Variants in CCDC150 observed in about 807,000 individuals in gnomAD.
The protein encoded by CCDC150 is coiled-coil domain containing 150.
Under a neutral mutation model 156.5 loss-of-function variants are expected in CCDC150, and 151 were observed. The ratio of observed to expected loss-of-function variants is 0.97; its 90% CI spans 0.85 to 1.10. The LOEUF is 1.10. Ranked by LOEUF, CCDC150 falls within the 50% of genes least tolerant of loss-of-function variation. The pLI, the probability that CCDC150 is intolerant of heterozygous loss-of-function variation, is 0.00. For missense variants in CCDC150, 1,312 were observed against 1,268.1 expected (o/e 1.03, Z -0.53); for synonymous variants, 452 against 429.4 (o/e 1.05, Z -0.65).
chr2:196,692,564 G>A (rs1695556811), intron 13 of CCDC150, among the ~76,000 whole-genome samples: 1 of 152,100 alleles, frequency 6.6e-6, no homozygotes, highest in Non-Finnish European at 1.5e-5. Flanking sequence ...ATTGAATTTT[G>A]CCTTAATTTC....
intron 15 of CCDC150, among the ~76,000 whole-genome samples, chr2:196,706,628 A>G (rs1010202236): frequency 1.2e-4 from 18 of 152,212 alleles, no homozygotes; most frequent in African/African-American, 3.6e-4. Context: ...TTGCCCATTC[A>G]GTATGATATT....
chr2:196,658,929 A>T, intron 5 of CCDC150, 69 bp downstream of exon 5: 1 of 1,077,132 alleles, frequency 9.3e-7, no homozygotes, highest in Non-Finnish European at 1.4e-6. Context: ...AAGCAGAGAG[A>T]ATGAAAAGAA....
intron 9 of CCDC150, among the ~76,000 whole-genome samples, chr2:196,673,232 T>C (rs1575804157): frequency 6.6e-6 from 1 of 152,128 alleles, no homozygotes; most frequent in Non-Finnish European, 1.5e-5. Flanking sequence ...ATCCTCACAA[T>C]AGCCCTATGA....
chr2:196,712,194 G>A lies in CCDC150; in HGVS notation c.1745G>A (p.Ser582Asn), dbSNP rs367659497. ...CAAGTACAGTCTTTTACTGACACCA[G>A]CTTACAGAATGATCATCTACGCAAG... ...EEQVQSFTDT[S>N]LQNDHLRKMN... Residue 582 changes from serine (S) to asparagine (N), a missense_variant, in exon 16 of 28, where the codon AGC becomes AAC. Coordinates refer to ENST00000389175, the MANE Select transcript of CCDC150 (RefSeq NM_001080539.2). 6.3e-7 allele frequency: 1 copy of A among 1,589,254 alleles called. No individual in the cohort carries two copies. The highest frequency in any genetic ancestry group is 8.6e-7 in the Non-Finnish European group (1 of 1,165,646).
At chr2:196,640,680 C>A (rs1692164699) in intron 1 of CCDC150, among the ~76,000 whole-genome samples, 1 of 152,090 alleles carries the variant, frequency 6.6e-6, no homozygotes, top group African/African-American at 2.4e-5. Context: ...TGGCTTCTTC[C>A]TTTCCCTCAT....
At chr2:196,726,265 G>T in intron 22 of CCDC150, 166 bp downstream of exon 22, 1 of 675,106 alleles carries the variant, frequency 1.5e-6, no homozygotes, top group Non-Finnish European at 2.3e-6. Context: ...CAAGAAAAAA[G>T]TTTCTGACAT....
At chr2:196,703,663 A>G (rs1048143534) in intron 15 of CCDC150, among the ~76,000 whole-genome samples, 1 of 152,206 alleles carries the variant, frequency 6.6e-6, no homozygotes, top group Non-Finnish European at 1.5e-5. Context: ...TTTTCCAAGA[A>G]AAATGAAATA....
At chr2:196,706,068 G>C (rs1416501209) in intron 15 of CCDC150, among the ~76,000 whole-genome samples, 1 of 152,194 alleles carries the variant, frequency 6.6e-6, no homozygotes, top group African/African-American at 2.4e-5. Flanking sequence ...CTTTAAAGTA[G>C]TGAAGAAAGT....
intron 10 of CCDC150, among the ~76,000 whole-genome samples, chr2:196,674,945 T>A (rs552568332): frequency 6.6e-5 from 10 of 152,334 alleles, no homozygotes; most frequent in African/African-American, 2.4e-4. Flanking sequence ...GCAGCCATTA[T>A]GTAAAAGGAT....
At chr2:196,670,295 A>G (rs891588350) in intron 8 of CCDC150, among the ~76,000 whole-genome samples, 6 of 152,212 alleles carry the variant, frequency 3.9e-5, no homozygotes, top group African/African-American at 9.6e-5. Flanking sequence ...TTAAAAACAT[A>G]ATGATTTTAT....
At chr2:196,690,441 T>C (rs1248731212) in intron 13 of CCDC150, among the ~76,000 whole-genome samples, 1 of 152,190 alleles carries the variant, frequency 6.6e-6, no homozygotes, top group African/African-American at 2.4e-5. Context: ...TTGAAGTTAA[T>C]ATGTAAATTC....
intron 13 of CCDC150, among the ~76,000 whole-genome samples, chr2:196,678,053 A>T (rs1422273097): frequency 2.0e-5 from 3 of 152,190 alleles, no homozygotes; most frequent in South Asian, 2.1e-4. Context: ...CTGCCACTGT[A>T]TCTTCGAGGT....
At position 196,721,353 on chromosome 2, in the gene CCDC150, CATAT is replaced by C. The variant is rs1199770615; in HGVS notation, c.2260-156_2260-153del. Among the ~76,000 whole-genome samples the C allele has an allele frequency of 3.8e-5, 5 of 133,106 alleles. 1 individual carries two copies. In the East Asian group the frequency reaches 1.2e-3, roughly 33 times the overall value. 87.3% of individuals were successfully genotyped at this position (133,106 alleles called of 152,430 possible). A position where few individuals can be genotyped will look rare whatever the true frequency, so the allele number is the denominator to read the frequency against. On this transcript the variant is annotated intron_variant, in intron 20 of 27. Transcript: ENST00000389175. ...GAGTTCTCATTCATATATGTGTGTGCATATATATATATATATTTTCCAGGCAGCT... is the reference window on the plus strand; with the variant it reads ...GAGTTCTCATTCATATATGTGTGTGCATATATATATATTTTCCAGGCAGCT...
At chr2:196,686,920 T>C (rs1695160195) in intron 13 of CCDC150, among the ~76,000 whole-genome samples, 1 of 152,194 alleles carries the variant, frequency 6.6e-6, no homozygotes, top group African/African-American at 2.4e-5. Flanking sequence ...GCTCCATCCA[T>C]GATCACGAGG....
intron 17 of CCDC150, among the ~76,000 whole-genome samples, chr2:196,714,599 T>C (rs2125695864): frequency 6.6e-6 from 1 of 152,316 alleles, no homozygotes; most frequent in East Asian, 1.9e-4. Context: ...TGTTTTCCTT[T>C]TGATCCAGCT....
At chr2:196,700,515 AT>A (rs1270285549) in intron 14 of CCDC150, among the ~76,000 whole-genome samples, 1 of 152,234 alleles carries the variant, frequency 6.6e-6, no homozygotes, top group Non-Finnish European at 1.5e-5. Flanking sequence ...ATATGAAAAA[AT>A]AACTGTCATT....
intron 9 of CCDC150, among the ~76,000 whole-genome samples, chr2:196,673,170 C>G (rs1047262394): frequency 6.6e-6 from 1 of 152,140 alleles, no homozygotes; most frequent in Admixed American, 6.6e-5. Flanking sequence ...TACTGAGCCC[C>G]TTCTACATTC....
At position 196,674,468 on chromosome 2, in the gene CCDC150, T is replaced by C. The variant is rs1479856119; in HGVS notation, c.1137+120T>C. Reference sequence around the variant, plus strand: ...ATAAATTTCAAAAAATCTACTGAATTATCTTAATTCTATTAGTGCTTTTCA... The same window carrying C: ...ATAAATTTCAAAAAATCTACTGAATCATCTTAATTCTATTAGTGCTTTTCA... On this transcript the variant is annotated intron_variant, in intron 10 of 27. Transcript: ENST00000389175. 2.0e-4 allele frequency: 129 copies of C among 643,738 alleles called. No homozygotes were observed. The East Asian group carries it at 3.5e-3, about 18-fold the overall frequency. The allele number at this position is 643,738 out of a possible 1,614,324, so 39.9% of individuals were successfully genotyped here. A position where few individuals can be genotyped will look rare whatever the true frequency, so the allele number is the denominator to read the frequency against.
Position 196,677,343 on chromosome 2 carries a change from G to T in CCDC150, c.1491G>T (p.Lys497Asn). Residue 497 changes from lysine (K) to asparagine (N), a missense_variant, in exon 13 of 28, where the codon AAG (lysine) becomes AAT (asparagine). Lys to Asn is a moderately conservative substitution (Grantham distance 94). Transcript: ENST00000389175. Reference sequence around the variant, plus strand: ...TGCAAGAAAGATGCAATTTGGAAAAGGAATTAGCTAAAAACAAGGTATTCT... The same window carrying T: ...TGCAAGAAAGATGCAATTTGGAAAATGAATTAGCTAAAAACAAGGTATTCT... ...EIVQERCNLE[K>N]ELAKNKVDIN... 6.4e-7 allele frequency: 1 copy of T among 1,559,480 alleles called. No individual in the cohort carries two copies. Among genetic ancestry groups the T allele is most frequent in the Non-Finnish European group, 8.7e-7 (1 of 1,148,194 alleles).
Sources: allele counts gnomAD v4.1 joint callset (sites outside exome capture counted in the v4.1 genomes callset), GRCh38; gene constraint gnomAD v4.1.1; transcripts MANE v1.5; gene names NCBI Gene and HGNC (gene_info 2026-07-23, HGNC 2026-07-21).